CDKAL1: variants seen among roughly 807,000 people sequenced by gnomAD.
CDKAL1 encodes CDKAL1 threonylcarbamoyladenosine tRNA methylthiotransferase.
A neutral mutation model predicts 68.2 loss-of-function variants in CDKAL1; 32 were observed. The observed-to-expected ratio is 0.47, with a 90% CI of 0.35 to 0.63. The LOEUF (loss-of-function observed/expected upper bound fraction) is 0.63, where lower values mean the gene tolerates loss of function less well. Ranked by LOEUF, CDKAL1 falls within the 30% of genes least tolerant of loss-of-function variation. The pLI, the probability that CDKAL1 is intolerant of heterozygous loss-of-function variation, is 0.00. For synonymous variants in CDKAL1, 234 were observed against 244.3 expected (o/e 0.96, Z 0.39); for missense variants, 606 against 696.7 (o/e 0.87, Z 1.47).
At chr6:21,104,505 G>A (rs6925464) in intron 12 of CDKAL1, among the ~76,000 whole-genome samples, 106,328 of 151,392 alleles carry the variant, frequency 0.7, 37,984 homozygotes, top group East Asian at 0.94. Context: ...CTGTATTTCA[G>A]TAAAACTTTA....
chr6:21,034,369 A>C (rs570909935), intron 11 of CDKAL1, among the ~76,000 whole-genome samples: 1 of 152,280 alleles, frequency 6.6e-6, no homozygotes, highest in African/African-American at 2.4e-5. Flanking sequence ...TATGAGTTCC[A>C]TCTTTACCTT....
At chr6:21,048,164 G>A (rs1403237895) in intron 11 of CDKAL1, among the ~76,000 whole-genome samples, 1 of 152,126 alleles carries the variant, frequency 6.6e-6, no homozygotes, top group Admixed American at 6.5e-5. Flanking sequence ...TGTTGCAACT[G>A]TCACAACTAC....
chr6:21,000,443 TATTGCAGCCTTACA>T, intron 11 of CDKAL1, 71 bp downstream of exon 11: 1 of 1,320,380 alleles, frequency 7.6e-7, no homozygotes, highest in African/African-American at 1.5e-5. Flanking sequence ...AAAATGCACT[TATTGCAGCCTTACA>T]ATTAAAGGTA....
intron 9 of CDKAL1, among the ~76,000 whole-genome samples, chr6:20,901,697 A>AG (rs1251286374): frequency 1.4e-4 from 20 of 139,604 alleles, no homozygotes; most frequent in South Asian, 5.0e-4. Flanking sequence ...AAAAAAAAAA[A>AG]AAAAAAGAAA....
chr6:20,811,650 A>T (rs1776821246), intron 8 of CDKAL1, among the ~76,000 whole-genome samples: 1 of 152,152 alleles, frequency 6.6e-6, no homozygotes, highest in African/African-American at 2.4e-5. Flanking sequence ...CATGCTTCAT[A>T]GCTGGTGCTG....
chr6:20,711,832 C>A (rs1274797120), intron 5 of CDKAL1, among the ~76,000 whole-genome samples: 1 of 152,188 alleles, frequency 6.6e-6, no homozygotes, highest in African/African-American at 2.4e-5. Flanking sequence ...GTCATGATGA[C>A]AGCCAGTAAA....
At chr6:21,150,172 C>T (rs1236717270) in intron 13 of CDKAL1, among the ~76,000 whole-genome samples, 2 of 152,150 alleles carry the variant, frequency 1.3e-5, no homozygotes, top group African/African-American at 4.8e-5. Context: ...CTGAACGTTT[C>T]TGTTCCAACT....
chr6:20,795,119 T>C (rs1194147582), intron 8 of CDKAL1, among the ~76,000 whole-genome samples: 1 of 152,138 alleles, frequency 6.6e-6, no homozygotes, highest in Non-Finnish European at 1.5e-5. Flanking sequence ...ATTATTTACC[T>C]TTCCCATCCA....
chr6:21,120,421 G>A (rs1246115604), intron 13 of CDKAL1, among the ~76,000 whole-genome samples: 1 of 152,188 alleles, frequency 6.6e-6, no homozygotes, highest in African/African-American at 2.4e-5. Flanking sequence ...TGTTCCAGTA[G>A]TAATAACCAC....
chr6:21,008,116 G>A (rs570773957), intron 11 of CDKAL1, among the ~76,000 whole-genome samples: 2 of 152,168 alleles, frequency 1.3e-5, no homozygotes, highest in Non-Finnish European at 2.9e-5. Flanking sequence ...AGGTAGGAAA[G>A]ATGAGTTTGA....
At chr6:20,880,398 G>A (rs1760749138) in intron 9 of CDKAL1, among the ~76,000 whole-genome samples, 1 of 152,052 alleles carries the variant, frequency 6.6e-6, no homozygotes, top group African/African-American at 2.4e-5. Flanking sequence ...TGGGACTACA[G>A]GCACGCACCA....
At chr6:20,576,235 G>A (rs1035684006) in intron 4 of CDKAL1, among the ~76,000 whole-genome samples, 2 of 152,200 alleles carry the variant, frequency 1.3e-5, no homozygotes, top group Admixed American at 1.3e-4. Flanking sequence ...GTCATGAGAA[G>A]TCTACCTTTG....
chr6:20,828,700 A>G (rs1302595462), intron 8 of CDKAL1, among the ~76,000 whole-genome samples: 2 of 152,198 alleles, frequency 1.3e-5, no homozygotes, highest in African/African-American at 2.4e-5. Context: ...GGTAAACTAA[A>G]CATTACGTAA....
At chr6:21,160,955 CAA>C in intron 13 of CDKAL1, among the ~76,000 whole-genome samples, 1 of 151,430 alleles carries the variant, frequency 6.6e-6, no homozygotes, top group South Asian at 2.1e-4. Context: ...CTAATCCAGT[CAA>C]GAGAATAGAT....
At chr6:21,051,105 A>C (rs981432963) in intron 11 of CDKAL1, among the ~76,000 whole-genome samples, 1 of 152,204 alleles carries the variant, frequency 6.6e-6, no homozygotes, top group African/African-American at 2.4e-5. Flanking sequence ...TGGTCTCATT[A>C]AAGTAGCAGA....
rs192702707 is a variant in CDKAL1, at chr6:21,014,293, C to A, written c.1055+13921C>A. ...ATAAAGGGGCCACTGAAAATCTCCA[C>A]CACAATAGGTATGTCTAAAAAGTTC... On this transcript the variant is annotated intron_variant, in intron 11 of 15. Transcript: ENST00000274695. 3.3e-5 allele frequency among the ~76,000 whole-genome samples: 5 copies of A among 152,262 alleles called. No homozygotes were observed. In the East Asian group the frequency reaches 7.7e-4, roughly 24 times the overall value.
chr6:20,946,989 G>T (rs1467344673), intron 9 of CDKAL1, among the ~76,000 whole-genome samples: 1 of 152,066 alleles, frequency 6.6e-6, no homozygotes, highest in African/African-American at 2.4e-5. Flanking sequence ...TTTATTGTCT[G>T]TTTCACTTGA....
intron 15 of CDKAL1, among the ~76,000 whole-genome samples, chr6:21,227,552 T>G (rs1779796179): frequency 6.6e-6 from 1 of 152,266 alleles, no homozygotes. Flanking sequence ...TACCCTCTCC[T>G]GCTCCGCGGT....
At chr6:20,651,849 A>T (rs2127762717) in intron 5 of CDKAL1, among the ~76,000 whole-genome samples, 1 of 152,328 alleles carries the variant, frequency 6.6e-6, no homozygotes, top group African/African-American at 2.4e-5. Context: ...GTGATGAATT[A>T]TGTTTATTGA....
Sources: allele counts gnomAD v4.1 joint callset (sites outside exome capture counted in the v4.1 genomes callset), GRCh38; gene constraint gnomAD v4.1.1; transcripts MANE v1.5; gene names NCBI Gene and HGNC (gene_info 2026-07-23, HGNC 2026-07-21).